MYO5B: variants seen among roughly 807,000 people sequenced by gnomAD.
MYO5B encodes unconventional myosin-Vb.
A neutral mutation model predicts 229.3 loss-of-function variants in MYO5B; 143 were observed. The ratio of observed to expected loss-of-function variants is 0.62; its 90% CI spans 0.54 to 0.72. The LOEUF is 0.72. Ranked by LOEUF, MYO5B falls within the 30% of genes least tolerant of loss-of-function variation. The probability of loss-of-function intolerance (pLI) is 0.00; values close to 1 mark genes in which losing one functional copy is unlikely to be tolerated. For missense variants in MYO5B, 2,321 were observed against 2,331.0 expected (o/e 1.00, Z 0.09); for synonymous variants, 918 against 885.2 (o/e 1.04, Z -0.66).
Position 49,904,703 on chromosome 18 carries a change from C to T in MYO5B, c.2540G>A (p.Arg847Gln), listed in dbSNP as rs772474014. The T allele has an allele frequency of 2.9e-5, 46 of 1,613,914 alleles. No homozygotes were observed. Among genetic ancestry groups the T allele is most frequent in the Admixed American group, 6.7e-5 (4 of 60,008 alleles). Reference sequence around the variant, plus strand: ...GTAGGTTCTCCGCACAAACATGGCCCGGGTGAAGGCCTGGATAACAACGGC... The same window carrying T: ...GTAGGTTCTCCGCACAAACATGGCCTGGGTGAAGGCCTGGATAACAACGGC... ...RAAVVIQAFT[R>Q]AMFVRRTYRQ... Residue 847 changes from arginine (R) to glutamine (Q), a missense_variant, in exon 20 of 40, where the codon CGG becomes CAG. This residue lies in a region of MYO5B where 2,113 missense variants were observed against 2,044.7 expected (regional missense o/e 1.03). Transcript: ENST00000285039.
At chr18:50,090,052 C>T (rs2031414641) in intron 1 of MYO5B, among the ~76,000 whole-genome samples, 1 of 152,196 alleles carries the variant, frequency 6.6e-6, no homozygotes, top group Non-Finnish European at 1.5e-5. Flanking sequence ...ACTGGGGTTC[C>T]CTCTCTCGGC....
intron 4 of MYO5B, among the ~76,000 whole-genome samples, chr18:50,011,776 A>G (rs542242875): frequency 6.6e-6 from 1 of 152,012 alleles, no homozygotes; most frequent in East Asian, 1.9e-4. Context: ...TACTCAATCC[A>G]TTCCCCCTCA....
At chr18:50,038,142 T>G (rs117761735) in intron 3 of MYO5B, among the ~76,000 whole-genome samples, 2,169 of 152,320 alleles carry the variant, frequency 0.014, 25 homozygotes, top group Non-Finnish European at 0.024. Context: ...AATTGTGAAT[T>G]TGATCTTTCA....
chr18:50,001,442 G>A, intron 4 of MYO5B, 31 bp from the exon 5 acceptor site: 2 of 1,613,500 alleles, frequency 1.2e-6, no homozygotes, highest in Non-Finnish European at 1.7e-6. Context: ...ATAAGTCATT[G>A]GCCATGGAAA....
At chr18:49,965,466 C>CACACACAT (rs1227776247) in intron 10 of MYO5B, among the ~76,000 whole-genome samples, 1 of 151,562 alleles carries the variant, frequency 6.6e-6, no homozygotes, top group African/African-American at 2.4e-5. Flanking sequence ...CACACACACA[C>CACACACAT]ACACACACAC....
At chr18:50,168,459 G>C (rs2032884494) in intron 1 of MYO5B, among the ~76,000 whole-genome samples, 1 of 152,254 alleles carries the variant, frequency 6.6e-6, no homozygotes, top group African/African-American at 2.4e-5. Flanking sequence ...AAAGAGGAGT[G>C]GAACAGCTGC....
At chr18:49,873,786 G>A (rs1216149227) in intron 26 of MYO5B, among the ~76,000 whole-genome samples, 6 of 152,204 alleles carry the variant, frequency 3.9e-5, no homozygotes, top group Non-Finnish European at 8.8e-5. Flanking sequence ...ATTGGCCAAG[G>A]TGACTTTGCC....
chr18:50,137,446 C>A (rs1263616772), intron 1 of MYO5B, among the ~76,000 whole-genome samples: 1 of 152,320 alleles, frequency 6.6e-6, no homozygotes, highest in South Asian at 2.1e-4. Flanking sequence ...AAGGTCCTGT[C>A]CTGCCAACCT....
chr18:50,105,421 T>C (rs1036287992), intron 1 of MYO5B, among the ~76,000 whole-genome samples: 2 of 152,044 alleles, frequency 1.3e-5, no homozygotes, highest in African/African-American at 4.8e-5. Context: ...AGTGTAGCTA[T>C]GAAGCAATGC....
intron 1 of MYO5B, among the ~76,000 whole-genome samples, chr18:50,106,281 A>G (rs1326911286): frequency 1.3e-5 from 2 of 152,156 alleles, no homozygotes; most frequent in East Asian, 3.9e-4. Flanking sequence ...GACCTTTGGT[A>G]TGACCCCACA....
In MYO5B at chr18:49,913,258, C is replaced by A. The variant is rs573574702; in HGVS notation, c.2091-1085G>T. 3.9e-5 allele frequency among the ~76,000 whole-genome samples: 6 copies of A among 152,316 alleles called. No individual in the cohort carries two copies. In the South Asian group the frequency reaches 1.2e-3, roughly 32 times the overall value. ...TGATCTCTACTTAAACAAATGCAGT[C>A]TTTCCAATGAGCAAATCTGCTATTT... On this transcript the variant is annotated intron_variant, in intron 17 of 39. Coordinates refer to ENST00000285039, the MANE Select transcript of MYO5B (RefSeq NM_001080467.3).
chr18:50,151,189 AGGAAAAAACAGTTC>A (rs2032592716), intron 1 of MYO5B, among the ~76,000 whole-genome samples: 1 of 152,204 alleles, frequency 6.6e-6, no homozygotes, highest in African/African-American at 2.4e-5. Context: ...CCACTCCCAC[AGGAAAAAACAGTTC>A]TGAAAAATAC....
chr18:50,091,444 T>C (rs1402641322), intron 1 of MYO5B, among the ~76,000 whole-genome samples: 1 of 152,224 alleles, frequency 6.6e-6, no homozygotes, highest in African/African-American at 2.4e-5. Context: ...AATCACCTAT[T>C]ATTACTATGT....
intron 29 of MYO5B, among the ~76,000 whole-genome samples, chr18:49,858,933 G>A (rs1311752210): frequency 6.6e-6 from 1 of 152,226 alleles, no homozygotes; most frequent in African/African-American, 2.4e-5. Flanking sequence ...CTCCTGGTGG[G>A]AAAAGAAAAA....
At chr18:49,916,999 A>G (rs894012408) in intron 17 of MYO5B, among the ~76,000 whole-genome samples, 1 of 152,194 alleles carries the variant, frequency 6.6e-6, no homozygotes, top group Non-Finnish European at 1.5e-5. Context: ...GTTCACTGCA[A>G]TCACCTAAAG....
chr18:50,071,021 G>A (rs558285271), intron 1 of MYO5B, among the ~76,000 whole-genome samples: 6 of 152,254 alleles, frequency 3.9e-5, no homozygotes, highest in African/African-American at 1.2e-4. Flanking sequence ...ATGAAGTCCC[G>A]CTATGTTGCC....
intron 17 of MYO5B, among the ~76,000 whole-genome samples, chr18:49,926,534 G>T (rs2025130274): frequency 6.6e-6 from 1 of 152,268 alleles, no homozygotes; most frequent in East Asian, 1.9e-4. Flanking sequence ...GCAGATGTTT[G>T]GTCTACATGA....
chr18:50,100,078 A>T (rs563932759), intron 1 of MYO5B, among the ~76,000 whole-genome samples: 1 of 152,354 alleles, frequency 6.6e-6, no homozygotes, highest in South Asian at 2.1e-4. Flanking sequence ...TTTCAGCAAC[A>T]ACCTGGCTAG....
intron 11 of MYO5B, 57 bp downstream of exon 11, chr18:49,962,892 C>T (rs373153566): frequency 1.4e-6 from 2 of 1,425,078 alleles, no homozygotes; most frequent in African/African-American, 2.8e-5. Context: ...GCCTGTCTGT[C>T]CCTCCCAGAG....
Sources: allele counts gnomAD v4.1 joint callset (sites outside exome capture counted in the v4.1 genomes callset), GRCh38; gene constraint gnomAD v4.1.1; regional missense constraint gnomAD v4.1.1; transcripts MANE v1.5; gene names NCBI Gene and HGNC (gene_info 2026-07-23, HGNC 2026-07-21).